Variants in PIP5K1B observed in about 807,000 individuals in gnomAD.
PIP5K1B encodes phosphatidylinositol-4-phosphate 5-kinase type 1 beta.
PIP5K1B carries 42 observed loss-of-function variants against 67.0 expected under a neutral mutation model. That is an observed-to-expected ratio of 0.63 (90% CI 0.49 to 0.81). PIP5K1B has a LOEUF of 0.81. PIP5K1B is among the 30% of genes least tolerant of loss of function. PIP5K1B has a pLI of 0.00. For missense variants in PIP5K1B, 459 were observed against 646.3 expected (o/e 0.71, Z 3.14); for synonymous variants, 214 against 231.4 (o/e 0.92, Z 0.68).
At chr9:68,914,257 A>G (rs1284963963) in intron 8 of PIP5K1B, among the ~76,000 whole-genome samples, 1 of 152,202 alleles carries the variant, frequency 6.6e-6, no homozygotes, top group African/African-American at 2.4e-5. Context: ...GGTGTCCGGA[A>G]TGTTTTTAAG....
In PIP5K1B at chr9:68,787,925, A is replaced by G. The variant is rs867600570; in HGVS notation, c.-85-30536A>G. Among the ~76,000 whole-genome samples, 20 of 152,248 alleles carry G rather than the reference A, an allele frequency of 1.3e-4. No homozygotes were observed. The South Asian group carries it at 3.9e-3, about 30-fold the overall frequency. On this transcript the variant is annotated intron_variant, in intron 2 of 15. Transcript: ENST00000265382. ...TGGGATTACAGGCTTGAGCCACCAT[A>G]CCCAGCCTCTTTCTAATCTTTCTAC...
intron 2 of PIP5K1B, among the ~76,000 whole-genome samples, chr9:68,758,677 G>A (rs561077865): frequency 6.6e-6 from 1 of 151,834 alleles, no homozygotes; most frequent in East Asian, 1.9e-4. Context: ...GAAAAGAGAG[G>A]AAAAAAAGTA....
chr9:68,814,464 G>A (rs1332506649), intron 2 of PIP5K1B, among the ~76,000 whole-genome samples: 1 of 152,086 alleles, frequency 6.6e-6, no homozygotes, highest in Non-Finnish European at 1.5e-5. Context: ...AAAAAATGAA[G>A]TAGACATACA....
intron 2 of PIP5K1B, among the ~76,000 whole-genome samples, chr9:68,817,940 G>A (rs533846210): frequency 6.6e-6 from 1 of 152,078 alleles, no homozygotes; most frequent in South Asian, 2.1e-4. Context: ...CATAATTATA[G>A]CACAACAGCT....
At chr9:68,964,444 G>A (rs186987974) in intron 14 of PIP5K1B, among the ~76,000 whole-genome samples, 1 of 152,170 alleles carries the variant, frequency 6.6e-6, no homozygotes, top group Admixed American at 6.5e-5. Flanking sequence ...GAATAAATTG[G>A]CATCTCACTT....
intron 2 of PIP5K1B, among the ~76,000 whole-genome samples, chr9:68,813,462 C>CA: frequency 6.6e-6 from 1 of 152,264 alleles, no homozygotes; most frequent in South Asian, 2.1e-4. Context: ...AAAGAGATGT[C>CA]ATGGATTGGG....
intron 5 of PIP5K1B, among the ~76,000 whole-genome samples, chr9:68,873,600 A>G (rs1374518769): frequency 3.0e-5 from 3 of 100,628 alleles, no homozygotes; most frequent in Non-Finnish European, 4.0e-5. Flanking sequence ...CCATTTTGGC[A>G]TTTATTTTTC....
chr9:68,971,600 C>A (rs1829373095), intron 14 of PIP5K1B, among the ~76,000 whole-genome samples: 1 of 152,184 alleles, frequency 6.6e-6, no homozygotes, highest in East Asian at 1.9e-4. Context: ...AACTAGTTTA[C>A]AGTCCCACCA....
At chr9:68,905,090 AC>A (rs1242491873) in intron 8 of PIP5K1B, among the ~76,000 whole-genome samples, 1 of 152,050 alleles carries the variant, frequency 6.6e-6, no homozygotes, top group Non-Finnish European at 1.5e-5. Context: ...TGTAAAAAGA[AC>A]CTACTGGTCT....
intron 3 of PIP5K1B, 85 bp from the exon 4 acceptor site, chr9:68,822,530 A>G: frequency 1.0e-6 from 1 of 984,378 alleles, no homozygotes; most frequent in South Asian, 1.6e-5. Context: ...CTTAACTAAA[A>G]TAGATCCTTT....
At chr9:68,719,101 G>A (rs894613830) in intron 1 of PIP5K1B, among the ~76,000 whole-genome samples, 1 of 152,126 alleles carries the variant, frequency 6.6e-6, no homozygotes, top group African/African-American at 2.4e-5. Context: ...CCAATAGCAT[G>A]TTTTCTTCTG....
intron 2 of PIP5K1B, among the ~76,000 whole-genome samples, chr9:68,777,804 T>C (rs565542870): frequency 6.6e-6 from 1 of 152,356 alleles, no homozygotes; most frequent in South Asian, 2.1e-4. Context: ...TTAACAGTAA[T>C]ATGCTGTGGG....
At chr9:68,925,337 G>C (rs1308552147) in intron 12 of PIP5K1B, among the ~76,000 whole-genome samples, 1 of 152,158 alleles carries the variant, frequency 6.6e-6, no homozygotes, top group Non-Finnish European at 1.5e-5. Context: ...TGCCACAGAA[G>C]GTTCCCACGA....
intron 2 of PIP5K1B, among the ~76,000 whole-genome samples, chr9:68,758,916 T>C (rs565868525): frequency 6.6e-6 from 1 of 152,270 alleles, no homozygotes; most frequent in East Asian, 1.9e-4. Context: ...TGTGTATTTC[T>C]CATCATGGAG....
intron 8 of PIP5K1B, among the ~76,000 whole-genome samples, chr9:68,898,079 G>A (rs1337712348): frequency 6.6e-6 from 1 of 152,072 alleles, no homozygotes; most frequent in Non-Finnish European, 1.5e-5. Context: ...GCTTCCCCAA[G>A]CCCAGTCCCA....
At chr9:68,936,994 C>T (rs1827295110) in intron 13 of PIP5K1B, among the ~76,000 whole-genome samples, 1 of 152,132 alleles carries the variant, frequency 6.6e-6, no homozygotes, top group Non-Finnish European at 1.5e-5. Flanking sequence ...TTTTGATGTG[C>T]CGCTAGATTC....
chr9:69,008,342 C>A, intron 15 of PIP5K1B, 105 bp from the exon 16 acceptor site: 1 of 975,946 alleles, frequency 1.0e-6, no homozygotes. Flanking sequence ...ATTTTCCAGA[C>A]ACAAGTGATT....
At chr9:68,820,550 A>T (rs1336897996) in intron 3 of PIP5K1B, among the ~76,000 whole-genome samples, 1 of 151,990 alleles carries the variant, frequency 6.6e-6, no homozygotes, top group East Asian at 1.9e-4. Context: ...GTGTGGGTAA[A>T]CTCAGTCACT....
chr9:68,948,686 G>A (rs1827917354), intron 14 of PIP5K1B, among the ~76,000 whole-genome samples: 1 of 138,266 alleles, frequency 7.2e-6, no homozygotes, highest in Non-Finnish European at 1.5e-5. Flanking sequence ...TAATATGCCT[G>A]TTAGTTTAGT....
Sources: gnomAD v4.1 joint callset for allele counts (sites outside exome capture counted in the v4.1 genomes callset) on GRCh38, gnomAD v4.1.1 for gene constraint, MANE v1.5 for transcripts, NCBI Gene and HGNC (gene_info 2026-07-23, HGNC 2026-07-21) for gene names.